The following GABRG3 variants were observed in gnomAD, a reference collection of about 807,000 sequenced individuals.
The protein encoded by GABRG3 is gamma-aminobutyric acid type A receptor subunit gamma3, also known as gamma-aminobutyric acid receptor subunit gamma-3.
GABRG3 carries 25 observed loss-of-function variants against 48.8 expected under a neutral mutation model. The observed-to-expected ratio is 0.51, with a 90% CI of 0.37 to 0.72. The LOEUF (loss-of-function observed/expected upper bound fraction) is 0.72, where lower values mean the gene tolerates loss of function less well. Ranked by LOEUF, GABRG3 falls within the 30% of genes least tolerant of loss-of-function variation. The pLI is 0.00. For missense variants in GABRG3, 394 were observed against 577.9 expected (o/e 0.68, Z 3.26); for synonymous variants, 227 against 217.6 (o/e 1.04, Z -0.38).
At chr15:27,056,097 C>G (rs1896540442) in intron 3 of GABRG3, among the ~76,000 whole-genome samples, 1 of 151,924 alleles carries the variant, frequency 6.6e-6, no homozygotes, top group East Asian at 1.9e-4. Flanking sequence ...AGCCTGTAAT[C>G]CTAGCACTTT....
chr15:27,344,154 G>C (rs1167003047), intron 5 of GABRG3, among the ~76,000 whole-genome samples: 2 of 152,176 alleles, frequency 1.3e-5, no homozygotes, highest in Admixed American at 6.5e-5. Context: ...TGTTCTGAGG[G>C]GTCTGGGGAG....
At chr15:27,380,558 T>C (rs1895734751) in intron 5 of GABRG3, among the ~76,000 whole-genome samples, 1 of 152,106 alleles carries the variant, frequency 6.6e-6, no homozygotes, top group Non-Finnish European at 1.5e-5. Context: ...GAATTTGGTT[T>C]TATTTTTGCA....
In GABRG3 at chr15:27,180,044, C is replaced by T. The variant is rs1887876708; in HGVS notation, c.271-146765C>T. 6.6e-6 allele frequency among the ~76,000 whole-genome samples: 1 copy of T among 152,298 alleles called. No homozygotes were observed. Among genetic ancestry groups the T allele is most frequent in the African/African-American group, 2.4e-5 (1 of 41,582 alleles). On this transcript the variant is annotated intron_variant, in intron 3 of 9. Coordinates refer to ENST00000615808, the MANE Select transcript of GABRG3 (RefSeq NM_033223.5). This position sits in a 1 kb window ranked among gnomAD's most constrained non-coding sequence, Gnocchi z 4.2. ...GTGGCTAAATGGCCTTCTGCAGAGCCACTGCCTGATCGAACATCTCTGTGA... is the reference window on the plus strand; with the variant it reads ...GTGGCTAAATGGCCTTCTGCAGAGCTACTGCCTGATCGAACATCTCTGTGA...
intron 3 of GABRG3, among the ~76,000 whole-genome samples, chr15:27,308,301 C>CAT (rs1331210383): frequency 2.8e-5 from 3 of 106,878 alleles, no homozygotes; most frequent in African/African-American, 1.8e-4. Context: ...ATATAAACAT[C>CAT]ATATAAACAT....
At chr15:27,428,365 C>G (rs905581527) in intron 5 of GABRG3, 1 of 152,140 alleles carries the variant, frequency 6.6e-6, no homozygotes, top group Non-Finnish European at 1.5e-5. Flanking sequence ...GTAATTCACA[C>G]CAGAGATATA....
At chr15:27,085,272 T>C (rs191572381) in intron 3 of GABRG3, among the ~76,000 whole-genome samples, 79 of 152,292 alleles carry the variant, frequency 5.2e-4, no homozygotes, top group African/African-American at 1.8e-3. Context: ...TCATAACAGA[T>C]CACCTTTCAC....
chr15:27,026,495 T>C (rs545803397), intron 2 of GABRG3, among the ~76,000 whole-genome samples: 1 of 152,296 alleles, frequency 6.6e-6, no homozygotes, highest in South Asian at 2.1e-4. Context: ...GACTGGCAAA[T>C]TGCAGTGTAT....
intron 3 of GABRG3, among the ~76,000 whole-genome samples, chr15:27,075,525 T>C (rs1896895940): frequency 6.6e-6 from 1 of 152,238 alleles, no homozygotes; most frequent in Non-Finnish European, 1.5e-5. Flanking sequence ...CTGAAGGCTT[T>C]GTACATTCGG....
At chr15:27,436,802 A>G (rs1169983724) in intron 5 of GABRG3, among the ~76,000 whole-genome samples, 1 of 152,118 alleles carries the variant, frequency 6.6e-6, no homozygotes, top group African/African-American at 2.4e-5. Flanking sequence ...GATGGCAAGA[A>G]AAGAACAGAG....
At chr15:27,369,040 A>G (rs1361696816) in intron 5 of GABRG3, among the ~76,000 whole-genome samples, 1 of 152,134 alleles carries the variant, frequency 6.6e-6, no homozygotes, top group Non-Finnish European at 1.5e-5. Flanking sequence ...TTATATGTTC[A>G]CCATCCTCTC....
intron 3 of GABRG3, among the ~76,000 whole-genome samples, chr15:27,256,105 G>C (rs1435354205): frequency 1.3e-5 from 2 of 152,158 alleles, no homozygotes; most frequent in Non-Finnish European, 2.9e-5. Context: ...CAGGGTCTTT[G>C]TAAGAGGGAG....
chr15:27,394,270 C>T (rs1461292444), intron 5 of GABRG3, among the ~76,000 whole-genome samples: 2 of 152,028 alleles, frequency 1.3e-5, no homozygotes, highest in Admixed American at 1.3e-4. Flanking sequence ...AGTGTTTTCC[C>T]TGAAGATTAT....
chr15:27,241,301 T>G (rs1890120636), intron 3 of GABRG3, among the ~76,000 whole-genome samples: 1 of 152,178 alleles, frequency 6.6e-6, no homozygotes, highest in African/African-American at 2.4e-5. Flanking sequence ...GGAGTAAAAG[T>G]TAGTGGCAGC....
At chr15:27,512,229 ATATTG>A (rs1566873920) in intron 6 of GABRG3, among the ~76,000 whole-genome samples, 1 of 152,194 alleles carries the variant, frequency 6.6e-6, no homozygotes, top group Non-Finnish European at 1.5e-5. Context: ...CAATAATATT[ATATTG>A]TATTATTATT....
chr15:27,200,867 T>C (rs917133891), intron 3 of GABRG3, among the ~76,000 whole-genome samples: 2 of 152,128 alleles, frequency 1.3e-5, no homozygotes, highest in African/African-American at 4.8e-5. Flanking sequence ...CGAGATTTTC[T>C]TCACTACAAA....
chr15:27,498,648 G>A (rs1262106185), intron 6 of GABRG3, among the ~76,000 whole-genome samples: 2 of 152,064 alleles, frequency 1.3e-5, no homozygotes, highest in Non-Finnish European at 2.9e-5. Flanking sequence ...ACGCCACCAT[G>A]CCTGGCTAAC....
At chr15:27,347,125 G>A (rs1894402021) in intron 5 of GABRG3, among the ~76,000 whole-genome samples, 1 of 152,118 alleles carries the variant, frequency 6.6e-6, no homozygotes, top group South Asian at 2.1e-4. Context: ...AGCTTTGGGT[G>A]CCAGAGGCTT....
intron 5 of GABRG3, among the ~76,000 whole-genome samples, chr15:27,454,820 G>A (rs1262380745): frequency 6.6e-6 from 1 of 152,116 alleles, no homozygotes; most frequent in Non-Finnish European, 1.5e-5. Flanking sequence ...CAACACATAC[G>A]TACGTTGACA....
At chr15:27,025,414 A>G (rs776099072) in intron 2 of GABRG3, among the ~76,000 whole-genome samples, 5 of 152,206 alleles carry the variant, frequency 3.3e-5, no homozygotes, top group East Asian at 3.9e-4. Context: ...CCTAATTTCC[A>G]TAGTAGTTAG....
Sources: gnomAD v4.1 joint callset for allele counts (sites outside exome capture counted in the v4.1 genomes callset) on GRCh38, gnomAD v4.1.1 for gene constraint, Gnocchi (gnomAD v3.1) non-coding constraint, MANE v1.5 for transcripts, NCBI Gene and HGNC (gene_info 2026-07-23, HGNC 2026-07-21) for gene names.